The following NFIC variants were observed in gnomAD, a reference collection of about 807,000 sequenced individuals.
The protein encoded by NFIC is nuclear factor 1 C-type.
In NFIC, 12 loss-of-function variants were observed where a neutral mutation model predicts 54.4. The observed-to-expected ratio is 0.22, with a 90% CI of 0.14 to 0.36. The LOEUF (loss-of-function observed/expected upper bound fraction) is 0.36. Ranked by LOEUF, NFIC falls within the 10% of genes least tolerant of loss-of-function variation. The pLI is 1.00. For missense variants in NFIC, 575 were observed against 718.2 expected, an observed-to-expected ratio of 0.80 and a Z score of 2.28; for synonymous variants, 322 against 319.2, an observed-to-expected ratio of 1.01 and a Z score of -0.09.
rs1181266162 is a variant in NFIC, at chr19:3,459,519, GCCAGC to G, written c.1509+2885_1509+2889del. 3.9e-5 allele frequency among the ~76,000 whole-genome samples: 6 copies of G among 152,178 alleles called. No individual in the cohort carries two copies. Among genetic ancestry groups the G allele is most frequent in the Non-Finnish European group, 8.8e-5 (6 of 68,036 alleles). On this transcript the variant is annotated intron_variant, in intron 10 of 10. Transcript: ENST00000443272. This position sits in a 1 kb window ranked among gnomAD's most constrained non-coding sequence, Gnocchi z 4.2. ...GAGCCACACAGGCGGCTGCAGCCAG[GCCAGC>G]AGGATACCAGAGCCCAAACCTCCCC...
intron 3 of NFIC, among the ~76,000 whole-genome samples, chr19:3,429,971 C>A (rs2082095972): frequency 6.6e-6 from 1 of 152,154 alleles, no homozygotes; most frequent in African/African-American, 2.4e-5. Context: ...GTTCCTTCCT[C>A]TTATCCAGTC....
chr19:3,387,032 G>A (rs2081307895), intron 2 of NFIC, among the ~76,000 whole-genome samples: 1 of 152,220 alleles, frequency 6.6e-6, no homozygotes, highest in African/African-American at 2.4e-5. Flanking sequence ...CAGCCAGAGT[G>A]CAGTGTCTGG....
Position 3,463,416 on chromosome 19 carries a change from C to T in NFIC, c.*647C>T. The T allele has an allele frequency of 1.0e-6, 1 of 985,490 alleles. No homozygotes were observed. The highest frequency in any genetic ancestry group is 1.2e-6 in the Non-Finnish European group (1 of 830,070). The allele number at this position is 985,490 out of a possible 1,614,324, so 61.0% of individuals were successfully genotyped here. A position where few individuals can be genotyped will look rare whatever the true frequency, so the allele number is the denominator to read the frequency against. On this transcript the variant is annotated 3_prime_UTR_variant, in exon 11 of 11. Transcript: ENST00000443272. ...AGGGTGGGGCAGGCGAGTGGTGTCGCGGGGGTGCGTGGCGCTTGCGAGCCC... is the reference window on the plus strand; with the variant it reads ...AGGGTGGGGCAGGCGAGTGGTGTCGTGGGGGTGCGTGGCGCTTGCGAGCCC...
At chr19:3,366,390 GAC>G (rs1475000896), upstream of NFIC, among the ~76,000 whole-genome samples, 1 of 151,084 alleles carries the variant, frequency 6.6e-6, no homozygotes, top group Non-Finnish European at 1.5e-5. Context: ...GAGACAGAGA[GAC>G]AGAGACGGGG....
intron 2 of NFIC, among the ~76,000 whole-genome samples, chr19:3,411,479 C>CT (rs1246087458): frequency 1.6e-4 from 24 of 152,050 alleles, no homozygotes; most frequent in African/African-American, 5.1e-4. Context: ...AGGCACACAC[C>CT]ACCATGCCCG....
At chr19:3,425,228 C>G in intron 3 of NFIC, 51 bp downstream of exon 3, 1 of 1,544,994 alleles carries the variant, frequency 6.5e-7, no homozygotes, top group Non-Finnish European at 8.7e-7. Flanking sequence ...CAGCCCTGTC[C>G]TCGTCTTTTA....
In NFIC at chr19:3,458,406, T is replaced by C. The variant is rs1033798569; in HGVS notation, c.1509+1771T>C. Among the ~76,000 whole-genome samples, 2 of 152,108 alleles carry C rather than the reference T, an allele frequency of 1.3e-5. No individual in the cohort carries two copies. The highest frequency in any genetic ancestry group is 2.4e-5 in the African/African-American group (1 of 41,438). ...GGAGGAGGCCCAGCCCGCTTAACCC[T>C]TCCCCAGCCTCTGCCTTGGACCAAA... On this transcript the variant is annotated intron_variant, in intron 10 of 10. Transcript: ENST00000443272. The surrounding 1 kb of genome is among the most constrained non-coding windows in gnomAD (Gnocchi z 4.1).
At chr19:3,376,655 G>A (rs919692535) in intron 1 of NFIC, among the ~76,000 whole-genome samples, 27 of 152,088 alleles carry the variant, frequency 1.8e-4, no homozygotes, top group Admixed American at 4.6e-4. Flanking sequence ...AATCGCTTGA[G>A]TCTGGGAGTT....
intron 1 of NFIC, 34 bp downstream of exon 1, chr19:3,366,700 C>T (rs769185768): frequency 5.2e-6 from 7 of 1,341,914 alleles, no homozygotes; most frequent in Middle Eastern, 4.9e-4. Flanking sequence ...GCCGGCGCCC[C>T]CGCGCCCCCC....
chr19:3,411,887 G>C (rs2081767838), intron 2 of NFIC, among the ~76,000 whole-genome samples: 1 of 152,136 alleles, frequency 6.6e-6, no homozygotes, highest in Non-Finnish European at 1.5e-5. Context: ...ACATTGAACA[G>C]TTTGTCCGCG....
intron 2 of NFIC, among the ~76,000 whole-genome samples, chr19:3,384,952 G>GA (rs1458010340): frequency 6.7e-6 from 1 of 149,258 alleles, no homozygotes; most frequent in African/African-American, 2.5e-5. Context: ...CCTCCGTGCT[G>GA]AGCTGATACA....
intron 2 of NFIC, among the ~76,000 whole-genome samples, chr19:3,384,931 C>T (rs2081269331): frequency 6.6e-6 from 1 of 151,928 alleles, no homozygotes; most frequent in African/African-American, 2.4e-5. Context: ...CCCGGGGCCC[C>T]GCCCCCACCT....
intron 6 of NFIC, among the ~76,000 whole-genome samples, chr19:3,441,353 C>T (rs1156913260): frequency 6.6e-6 from 1 of 152,374 alleles, no homozygotes; most frequent in African/African-American, 2.4e-5. Flanking sequence ...TGTCCTAAGC[C>T]GGGTTATTTC....
intron 10 of NFIC, among the ~76,000 whole-genome samples, chr19:3,460,341 T>C (rs994755207): frequency 1.3e-5 from 2 of 152,174 alleles, no homozygotes; most frequent in African/African-American, 4.8e-5. Flanking sequence ...CAGACAGGCC[T>C]GAGTTCAAGT....
Position 3,453,966 on chromosome 19 carries a change from G to C in NFIC, c.1423+50G>C. On this transcript the variant is annotated intron_variant, in intron 9 of 10. Coordinates refer to ENST00000443272, the MANE Select transcript of NFIC (RefSeq NM_001245002.2). This position sits in a 1 kb window ranked among gnomAD's most constrained non-coding sequence, Gnocchi z 6.7. The stretch of plus-strand genomic sequence containing the variant: ...TGGTGGGGCGGATGTCCGCAGGGGG[G>C]CCTGTCCCCTCCCCAGCCCCACTGC... The C allele has an allele frequency of 1.4e-6, 2 of 1,456,446 alleles. No homozygotes were observed. Among genetic ancestry groups the C allele is most frequent in the Non-Finnish European group, 9.0e-7 (1 of 1,110,374 alleles). The allele number at this position is 1,456,446 out of a possible 1,614,324, so 90.2% of individuals were successfully genotyped here. A position where few individuals can be genotyped will look rare whatever the true frequency, so the allele number is the denominator to read the frequency against.
chr19:3,363,565 A>G (rs910334913), upstream of NFIC, among the ~76,000 whole-genome samples: 4 of 151,760 alleles, frequency 2.6e-5, no homozygotes, highest in Admixed American at 2.6e-4. Flanking sequence ...AGCCACTACA[A>G]CCGGCCAAAG....
At chr19:3,364,735 C>T (rs2080859973), upstream of NFIC, among the ~76,000 whole-genome samples, 1 of 152,140 alleles carries the variant, frequency 6.6e-6, no homozygotes, top group Non-Finnish European at 1.5e-5. Flanking sequence ...ATGAAGGCTG[C>T]AGGCAGGGTG....
At chr19:3,462,045 T>TC (rs1284107187) in intron 10 of NFIC, among the ~76,000 whole-genome samples, 2 of 142,768 alleles carry the variant, frequency 1.4e-5, no homozygotes, top group African/African-American at 5.2e-5. Context: ...AGAGCGAGAC[T>TC]CTGTCTCAAT....
chr19:3,444,257 G>A (rs1207551720), intron 6 of NFIC, among the ~76,000 whole-genome samples: 7 of 152,112 alleles, frequency 4.6e-5, no homozygotes, highest in Admixed American at 2.6e-4. Context: ...ATACAGAGAG[G>A]AGGTCAGATG....
Sources: gnomAD v4.1 joint callset for allele counts (sites outside exome capture counted in the v4.1 genomes callset) on GRCh38, gnomAD v4.1.1 for gene constraint, Gnocchi (gnomAD v3.1) non-coding constraint, MANE v1.5 for transcripts, NCBI Gene and HGNC (gene_info 2026-07-23, HGNC 2026-07-21) for gene names.